Variants in GRM5 observed in about 807,000 individuals in gnomAD.
GRM5 encodes the protein metabotropic glutamate receptor 5.
Under a neutral mutation model 83.1 loss-of-function variants are expected in GRM5, and 19 were observed. The observed-to-expected ratio is 0.23, with a 90% confidence interval of 0.16 to 0.34. The LOEUF (loss-of-function observed/expected upper bound fraction) is 0.34. Ranked by LOEUF, GRM5 falls within the 10% of genes least tolerant of loss-of-function variation. The probability of loss-of-function intolerance (pLI) is 1.00; values close to 1 mark genes in which losing one functional copy is unlikely to be tolerated. For missense variants in GRM5, 1,160 were observed against 1,588.3 expected, an observed-to-expected ratio of 0.73 and a Z score of 4.58; for synonymous variants, 675 against 633.6, an observed-to-expected ratio of 1.07 and a Z score of -0.98.
intron 3 of GRM5, among the ~76,000 whole-genome samples, chr11:88,834,620 T>A (rs1275093983): frequency 6.6e-6 from 1 of 152,220 alleles, no homozygotes; most frequent in Non-Finnish European, 1.5e-5. Context: ...CAAGAATGTA[T>A]CTGGTCTTCC....
intron 2 of GRM5, among the ~76,000 whole-genome samples, chr11:88,863,030 A>G (rs1944593924): frequency 6.6e-6 from 1 of 152,228 alleles, no homozygotes; most frequent in South Asian, 2.1e-4. Flanking sequence ...ATCACTGATC[A>G]TTAGAGAAAT....
At chr11:88,892,329 G>A (rs1356593534) in intron 2 of GRM5, among the ~76,000 whole-genome samples, 1 of 151,960 alleles carries the variant, frequency 6.6e-6, no homozygotes, top group Non-Finnish European at 1.5e-5. Context: ...TCCCTGGACA[G>A]GTTTCTTAAT....
At chr11:88,549,431 C>A (rs143357856) in intron 8 of GRM5, among the ~76,000 whole-genome samples, 49 of 150,952 alleles carry the variant, frequency 3.2e-4, no homozygotes, top group African/African-American at 1.0e-3. Flanking sequence ...CAGAGCCACA[C>A]CTTGTCTCAA....
intron 2 of GRM5, among the ~76,000 whole-genome samples, chr11:88,850,412 A>G (rs968241322): frequency 3.9e-5 from 6 of 152,188 alleles, no homozygotes; most frequent in South Asian, 4.1e-4. Context: ...TAAGCAATTC[A>G]TCATCCTTTT....
intron 3 of GRM5, among the ~76,000 whole-genome samples, chr11:88,778,881 A>T (rs1047083151): frequency 6.6e-6 from 1 of 152,198 alleles, no homozygotes; most frequent in Admixed American, 6.5e-5. Flanking sequence ...TGAAGTTCAA[A>T]TACATTTTAC....
At chr11:88,852,070 T>C (rs1179931939) in intron 2 of GRM5, among the ~76,000 whole-genome samples, 2 of 152,226 alleles carry the variant, frequency 1.3e-5, no homozygotes, top group African/African-American at 4.8e-5. Context: ...GCATAAATAA[T>C]TTGAAATTAG....
At chr11:88,782,622 T>G (rs1401526832) in intron 3 of GRM5, among the ~76,000 whole-genome samples, 7 of 152,134 alleles carry the variant, frequency 4.6e-5, no homozygotes, top group African/African-American at 1.7e-4. Context: ...CATATCACCT[T>G]ATATATATTG....
chr11:88,684,927 G>A (rs1014354929), intron 3 of GRM5, among the ~76,000 whole-genome samples: 6 of 152,076 alleles, frequency 3.9e-5, no homozygotes, highest in Non-Finnish European at 7.4e-5. Context: ...TCCCAGTTTC[G>A]GGTATGTCTT....
intron 3 of GRM5, among the ~76,000 whole-genome samples, chr11:88,688,070 G>T (rs1687910219): frequency 6.6e-6 from 1 of 152,062 alleles, no homozygotes; most frequent in South Asian, 2.1e-4. Context: ...ACATTAAGAG[G>T]TCAAGAAGCT....
intron 3 of GRM5, among the ~76,000 whole-genome samples, chr11:88,713,966 CTT>C (rs1480085593): frequency 2.6e-5 from 4 of 151,894 alleles, no homozygotes; most frequent in Admixed American, 1.3e-4. Flanking sequence ...AAGATTGACA[CTT>C]TGTAAAATTT....
intron 3 of GRM5, among the ~76,000 whole-genome samples, chr11:88,809,673 G>C (rs1265679471): frequency 6.6e-6 from 1 of 151,608 alleles, no homozygotes; most frequent in Non-Finnish European, 1.5e-5. Flanking sequence ...TATGTACTTT[G>C]AAAACAAGGC....
intron 7 of GRM5, among the ~76,000 whole-genome samples, chr11:88,588,384 T>C (rs896657351): frequency 1.3e-5 from 2 of 152,120 alleles, no homozygotes; most frequent in Non-Finnish European, 2.9e-5. Context: ...GTGCCATTCC[T>C]GTCATTAAAA....
intron 3 of GRM5, among the ~76,000 whole-genome samples, chr11:88,731,923 C>T (rs183493519): frequency 1.3e-5 from 2 of 152,108 alleles, no homozygotes; most frequent in East Asian, 1.9e-4. Flanking sequence ...GCTGAGCTGA[C>T]CTAAGACCAT....
At chr11:89,040,997 C>A (rs576338900) in intron 2 of GRM5, among the ~76,000 whole-genome samples, 1 of 152,214 alleles carries the variant, frequency 6.6e-6, no homozygotes, top group Non-Finnish European at 1.5e-5. Context: ...AAACATCTCA[C>A]AGCATGCCCT....
At chr11:88,556,378 A>G (rs1011747318) in intron 8 of GRM5, among the ~76,000 whole-genome samples, 1 of 149,142 alleles carries the variant, frequency 6.7e-6, no homozygotes, top group East Asian at 2.0e-4. Context: ...GCTGGAGTGC[A>G]ATGGCGCAAT....
At chr11:88,943,561 C>T (rs760928614) in intron 2 of GRM5, among the ~76,000 whole-genome samples, 5 of 151,968 alleles carry the variant, frequency 3.3e-5, no homozygotes, top group Non-Finnish European at 7.4e-5. Flanking sequence ...TAAAAATTCG[C>T]CTTCTTCTGT....
intron 2 of GRM5, among the ~76,000 whole-genome samples, chr11:88,920,910 A>G (rs1011498145): frequency 2.0e-4 from 31 of 152,294 alleles, no homozygotes; most frequent in African/African-American, 7.0e-4. Flanking sequence ...GAAAAGTGCT[A>G]CATAAGTGTA....
intron 5 of GRM5, among the ~76,000 whole-genome samples, chr11:88,600,227 A>ATCCTCCTCCTCCT (rs1185746442): frequency 6.4e-5 from 9 of 140,230 alleles, no homozygotes; most frequent in South Asian, 4.7e-4. Context: ...TTCTTCCTCA[A>ATCCTCCTCCTCCT]TCCTCCTCCT....
At position 88,604,945 on chromosome 11, in the gene GRM5, T is replaced by G; in HGVS notation, c.1167A>C (p.Thr389=). 1 of 1,612,908 alleles carries G rather than the reference T, an allele frequency of 6.2e-7. No homozygotes were observed. The highest frequency in any genetic ancestry group is 8.5e-7 in the Non-Finnish European group (1 of 1,179,018). ...KTCNSSLTLK[T]HHVQDSKMGF... is the part of the protein sequence containing the mutation. ...CCATTTTGGAATCCTGAACATGATG[T>G]GTTTTCAGAGTCAGAGAACCTGTTG... The change falls in exon 5 of 10, where the codon ACA becomes ACC. Residue 389 remains threonine (T), a synonymous_variant. Transcript: ENST00000305447.
Sources: gnomAD v4.1 joint callset for allele counts (sites outside exome capture counted in the v4.1 genomes callset) on GRCh38, gnomAD v4.1.1 for gene constraint, MANE v1.5 for transcripts, NCBI Gene and HGNC (gene_info 2026-07-23, HGNC 2026-07-21) for gene names.